CNTNAP2: variants seen among roughly 807,000 people sequenced by gnomAD.
CNTNAP2 encodes the protein contactin associated protein 2.
In CNTNAP2, 98 loss-of-function variants were observed where a neutral mutation model predicts 155.2. The ratio of observed to expected loss-of-function variants is 0.63; its 90% CI spans 0.54 to 0.75. CNTNAP2 has a LOEUF of 0.75. CNTNAP2 is among the 30% of genes least tolerant of loss of function. The pLI is 0.00. For missense variants in CNTNAP2, 1,727 were observed against 1,688.1 expected, an observed-to-expected ratio of 1.02 and a Z score of -0.40; for synonymous variants, 651 against 631.2, an observed-to-expected ratio of 1.03 and a Z score of -0.47.
Position 147,814,561 on chromosome 7 carries a change from C to T in CNTNAP2, c.2099-89004C>T, listed in dbSNP as rs535015659. On this transcript the variant is annotated intron_variant, in intron 13 of 23. Transcript: ENST00000361727. ...TTATTCAATTAAAGAAAGTATTTGCCTCGCCCTTTAAAACCTTCATTTTAT... is the reference window on the plus strand; with the variant it reads ...TTATTCAATTAAAGAAAGTATTTGCTTCGCCCTTTAAAACCTTCATTTTAT... Among the ~76,000 whole-genome samples, 4 of 152,254 alleles carry T rather than the reference C, an allele frequency of 2.6e-5. No individual in the cohort carries two copies. In the East Asian group the frequency reaches 7.7e-4, roughly 29 times the overall value.
intron 1 of CNTNAP2, among the ~76,000 whole-genome samples, chr7:146,264,557 A>C (rs1563013787): frequency 3.3e-5 from 5 of 152,226 alleles, no homozygotes; most frequent in African/African-American, 1.2e-4. Context: ...AGTCTAATAA[A>C]TAGTTGGCAA....
At chr7:147,031,023 A>G (rs911880521) in intron 3 of CNTNAP2, among the ~76,000 whole-genome samples, 1 of 152,110 alleles carries the variant, frequency 6.6e-6, no homozygotes, top group Non-Finnish European at 1.5e-5. Context: ...TGAGTATATT[A>G]TTTACCACAT....
chr7:146,142,182 G>C (rs1476264047), intron 1 of CNTNAP2, among the ~76,000 whole-genome samples: 2 of 152,170 alleles, frequency 1.3e-5, no homozygotes, highest in Non-Finnish European at 2.9e-5. Context: ...TAGATGATAA[G>C]AGGTCTGCAT....
chr7:146,337,074 A>G (rs1801289022), intron 1 of CNTNAP2, among the ~76,000 whole-genome samples: 1 of 152,236 alleles, frequency 6.6e-6, no homozygotes, highest in South Asian at 2.1e-4. Flanking sequence ...TGGTTTAAAT[A>G]GTGTGCTATA....
chr7:146,876,081 A>G (rs992688510), intron 3 of CNTNAP2, among the ~76,000 whole-genome samples: 2 of 151,642 alleles, frequency 1.3e-5, no homozygotes, highest in East Asian at 3.9e-4. Context: ...GGCCTGTTTA[A>G]CTTTGTTTGG....
At chr7:147,544,843 TTC>T (rs1799703177) in intron 11 of CNTNAP2, among the ~76,000 whole-genome samples, 1 of 152,124 alleles carries the variant, frequency 6.6e-6, no homozygotes. Context: ...TTGGCTCTCA[TTC>T]TCTCTTGCCT....
At chr7:147,246,606 T>C (rs1016984634) in intron 8 of CNTNAP2, among the ~76,000 whole-genome samples, 1 of 152,128 alleles carries the variant, frequency 6.6e-6, no homozygotes. Context: ...CATAATCTAA[T>C]CGCCTCCCAA....
intron 1 of CNTNAP2, among the ~76,000 whole-genome samples, chr7:146,130,485 T>A (rs1337183119): frequency 6.6e-6 from 1 of 152,188 alleles, no homozygotes; most frequent in African/African-American, 2.4e-5. Context: ...ATAATTTTTT[T>A]AAAAAGAATT....
At chr7:147,010,306 G>A (rs1421201645) in intron 3 of CNTNAP2, among the ~76,000 whole-genome samples, 1 of 151,298 alleles carries the variant, frequency 6.6e-6, no homozygotes. Context: ...CACCATTCCT[G>A]GCCTAGATCT....
At chr7:147,841,249 T>C (rs1798722861) in intron 13 of CNTNAP2, among the ~76,000 whole-genome samples, 1 of 152,170 alleles carries the variant, frequency 6.6e-6, no homozygotes, top group Admixed American at 6.5e-5. Flanking sequence ...GAAAAAGTTG[T>C]ATGTGTGGAT....
At chr7:146,443,041 C>A (rs1471385997) in intron 1 of CNTNAP2, among the ~76,000 whole-genome samples, 1 of 150,374 alleles carries the variant, frequency 6.7e-6, no homozygotes, top group African/African-American at 2.5e-5. Context: ...CCCGTTTCTA[C>A]TAAAAAAAAA....
intron 1 of CNTNAP2, among the ~76,000 whole-genome samples, chr7:146,641,822 T>C (rs1165260794): frequency 2.0e-5 from 3 of 152,222 alleles, no homozygotes; most frequent in Non-Finnish European, 2.9e-5. Flanking sequence ...TATATGTCTA[T>C]CAGTGAGCAT....
intron 20 of CNTNAP2, among the ~76,000 whole-genome samples, chr7:148,250,732 C>A (rs1183855490): frequency 6.6e-6 from 1 of 152,248 alleles, no homozygotes; most frequent in Non-Finnish European, 1.5e-5. Flanking sequence ...CTGTCCTCAC[C>A]TCTATCCTGC....
chr7:146,377,923 G>A (rs867739375), intron 1 of CNTNAP2, among the ~76,000 whole-genome samples: 24 of 152,130 alleles, frequency 1.6e-4, no homozygotes, highest in African/African-American at 5.3e-4. Context: ...CTTCAAACAA[G>A]CTTTGTGCTT....
At chr7:146,540,037 G>T (rs551194852) in intron 1 of CNTNAP2, among the ~76,000 whole-genome samples, 1 of 152,052 alleles carries the variant, frequency 6.6e-6, no homozygotes, top group African/African-American at 2.4e-5. Flanking sequence ...TTTTTAAGGC[G>T]TCTTGCAAGA....
At chr7:146,433,435 G>T (rs1022069667) in intron 1 of CNTNAP2, among the ~76,000 whole-genome samples, 2 of 152,072 alleles carry the variant, frequency 1.3e-5, no homozygotes, top group Admixed American at 6.6e-5. Context: ...CCGACAGTGG[G>T]AGAATTTCCA....
intron 1 of CNTNAP2, among the ~76,000 whole-genome samples, chr7:146,361,589 T>C (rs577910681): frequency 6.6e-6 from 1 of 152,344 alleles, no homozygotes; most frequent in South Asian, 2.1e-4. Context: ...TGCTAAATGG[T>C]ACCCCACAGC....
rs1408859498 is a variant in CNTNAP2 at position 147,255,287 on chromosome 7, TCTCAA to T, written c.1349-44849_1349-44845del. 2.6e-5 allele frequency among the ~76,000 whole-genome samples: 4 copies of T among 152,254 alleles called. No individual in the cohort carries two copies. In the East Asian group the frequency reaches 7.7e-4, roughly 29 times the overall value. On this transcript the variant is annotated intron_variant, in intron 8 of 23. Transcript: ENST00000361727. Reference sequence around the variant, plus strand: ...CCAAGGCTGAAGTGCAGTAGTGGAATCTCAACTCACTGCAACCTCCACCTCCAGGG... The same window carrying T: ...CCAAGGCTGAAGTGCAGTAGTGGAATCTCACTGCAACCTCCACCTCCAGGG...
intron 21 of CNTNAP2, among the ~76,000 whole-genome samples, chr7:148,286,138 G>A (rs1316124622): frequency 2.0e-5 from 3 of 152,112 alleles, no homozygotes; most frequent in African/African-American, 7.2e-5. Flanking sequence ...GAGGAAGAGG[G>A]GTTAGTCTTA....
Sources: allele counts gnomAD v4.1 joint callset (sites outside exome capture counted in the v4.1 genomes callset), GRCh38; gene constraint gnomAD v4.1.1; transcripts MANE v1.5; gene names NCBI Gene and HGNC (gene_info 2026-07-23, HGNC 2026-07-21).